The following CACNA1A variants were observed in gnomAD, a reference collection of about 807,000 sequenced individuals.
The protein encoded by CACNA1A is voltage-dependent P/Q-type calcium channel subunit alpha-1A.
CACNA1A carries 57 observed loss-of-function variants against 262.4 expected under a neutral mutation model. The ratio of observed to expected loss-of-function variants is 0.22; its 90% CI spans 0.18 to 0.27. The LOEUF (loss-of-function observed/expected upper bound fraction) is 0.27. Ranked by LOEUF, CACNA1A falls within the 10% of genes least tolerant of loss-of-function variation. The pLI, the probability that CACNA1A is intolerant of heterozygous loss-of-function variation, is 1.00. For synonymous variants in CACNA1A, 1,431 were observed against 1,419.3 expected (o/e 1.01, Z -0.18); for missense variants, 2,526 against 3,562.8 (o/e 0.71, Z 7.41).
chr19:13,392,564 A>C (rs1433492973), intron 3 of CACNA1A, among the ~76,000 whole-genome samples: 1 of 152,232 alleles, frequency 6.6e-6, no homozygotes, highest in African/African-American at 2.4e-5. Context: ...CTGCTACAGG[A>C]GAGGCACTCC....
intron 6 of CACNA1A, among the ~76,000 whole-genome samples, chr19:13,351,718 C>T (rs1476455086): frequency 6.6e-6 from 1 of 152,156 alleles, no homozygotes; most frequent in East Asian, 1.9e-4. Flanking sequence ...CCCTGTTGGC[C>T]AGGCTGGTCT....
chr19:13,224,728 G>C lies in CACNA1A; in HGVS notation c.5670C>G (p.Val1890=). The C allele has an allele frequency of 5.0e-6, 8 of 1,612,658 alleles. No homozygotes were observed. The highest frequency in any genetic ancestry group is 6.8e-6 in the Non-Finnish European group (8 of 1,179,452). Residue 1890 remains valine (V), a synonymous_variant, in exon 38 of 47, where the codon GTC becomes GTG. Transcript: ENST00000360228. ...MDLPVADDNT[V]HFNSTLMALI... is the part of the protein sequence containing the mutation. Reference sequence around the variant, plus strand: ...GAGCCATGAGGGTGGAATTGAAGTGGACGGTGTTGTCATCTGCGACGGGCA... The same window carrying C: ...GAGCCATGAGGGTGGAATTGAAGTGCACGGTGTTGTCATCTGCGACGGGCA...
At chr19:13,445,402 C>A (rs545641606) in intron 3 of CACNA1A, among the ~76,000 whole-genome samples, 55 of 152,186 alleles carry the variant, frequency 3.6e-4, no homozygotes, top group Non-Finnish European at 7.6e-4. Context: ...TCTGGACTAT[C>A]TGACTATTTC....
At chr19:13,448,148 C>T (rs2060851277) in intron 3 of CACNA1A, among the ~76,000 whole-genome samples, 2 of 150,710 alleles carry the variant, frequency 1.3e-5, no homozygotes, top group Non-Finnish European at 2.9e-5. Context: ...AAATGTGGTA[C>T]ATATACACCA....
chr19:13,341,064 C>G (rs1278725038), intron 6 of CACNA1A, among the ~76,000 whole-genome samples: 3 of 151,930 alleles, frequency 2.0e-5, no homozygotes, highest in Non-Finnish European at 4.4e-5. Context: ...AGAGCAAGAC[C>G]CTGTGTCTAA....
intron 5 of CACNA1A, chr19:13,363,755 T>C (rs2059155502): frequency 6.6e-6 from 1 of 152,206 alleles, no homozygotes; most frequent in African/African-American, 2.4e-5. Context: ...GGTTCCCCTT[T>C]GGGCTTCTTG....
At chr19:13,226,587 C>G (rs982152482) in intron 37 of CACNA1A, 1 of 152,236 alleles carries the variant, frequency 6.6e-6, no homozygotes, top group Non-Finnish European at 1.5e-5. Context: ...AGCATCTGTC[C>G]TTGGGCACCA....
rs143434569 is a variant in CACNA1A at position 13,368,226 on chromosome 19, G to A, written c.632-2757C>T. Among the ~76,000 whole-genome samples the A allele has an allele frequency of 2.4e-3, 366 of 152,202 alleles. 2 individuals are homozygous for A. The highest frequency in any genetic ancestry group is 7.1e-3 in the African/African-American group (297 of 41,540). On this transcript the variant is annotated intron_variant, in intron 4 of 46. Transcript: ENST00000360228. Reference sequence around the variant, plus strand: ...GCTATTTGGGAGGCTGAGATGGTAGGATTGCTTGAGTCTGGGGAGGTTGAG... The same window carrying A: ...GCTATTTGGGAGGCTGAGATGGTAGAATTGCTTGAGTCTGGGGAGGTTGAG...
At position 13,506,007 on chromosome 19, in the gene CACNA1A, G is replaced by A. The variant is rs1472719188; in HGVS notation, c.218C>T (p.Thr73Met). The A allele has an allele frequency of 6.2e-7, 1 of 1,613,976 alleles. No individual in the cohort carries two copies. The highest frequency in any genetic ancestry group is 1.1e-5 in the South Asian group (1 of 91,062). ...NPIPVRQNCL[T>M]VNRSLFLFSE... ...GAAGAGGAAGAGAGACCGGTTAACC[G>A]TGAGGCAGTTCTGTCGGACGGGGAT... The change falls in exon 1 of 47, where the codon ACG (threonine) becomes ATG (methionine). Residue 73 changes from threonine to methionine, a missense_variant. By Grantham distance (81) the Thr-to-Met change is moderately conservative (BLOSUM62 -1). This residue lies in a region of CACNA1A where 77 missense variants were observed against 228.4 expected (regional missense o/e 0.34). Coordinates refer to ENST00000360228, the MANE Select transcript of CACNA1A (RefSeq NM_001127222.2).
chr19:13,505,730 C>T (rs2145191129), intron 1 of CACNA1A, among the ~76,000 whole-genome samples: 1 of 152,068 alleles, frequency 6.6e-6, no homozygotes, highest in Admixed American at 6.5e-5. Context: ...AACCCATTCC[C>T]AAGCCTCCAG....
At chr19:13,323,133 C>T (rs1226671501) in intron 10 of CACNA1A, among the ~76,000 whole-genome samples, 1 of 152,042 alleles carries the variant, frequency 6.6e-6, no homozygotes, top group African/African-American at 2.4e-5. Flanking sequence ...GTGGCGTGTG[C>T]CTGTAATTTC....
intron 22 of CACNA1A, among the ~76,000 whole-genome samples, chr19:13,279,254 C>T (rs926939187): frequency 2.0e-5 from 3 of 152,172 alleles, no homozygotes; most frequent in African/African-American, 4.8e-5. Context: ...ATTCCTAATA[C>T]TTAGATCTTT....
intron 3 of CACNA1A, among the ~76,000 whole-genome samples, chr19:13,391,235 CT>C (rs777641822): frequency 6.6e-6 from 1 of 152,130 alleles, no homozygotes; most frequent in Non-Finnish European, 1.5e-5. Context: ...GTAATCATGT[CT>C]TTTTTTGCCT....
At chr19:13,414,559 T>G (rs934752245) in intron 3 of CACNA1A, among the ~76,000 whole-genome samples, 8 of 152,088 alleles carry the variant, frequency 5.3e-5, no homozygotes, top group Admixed American at 2.0e-4. Flanking sequence ...CATGATCCCA[T>G]GACAGCGACT....
chr19:13,286,995 C>A (rs781132960), intron 19 of CACNA1A, 29 bp from the exon 20 acceptor site: 1 of 1,499,948 alleles, frequency 6.7e-7, no homozygotes, highest in East Asian at 2.3e-5. Context: ...TGAAAAAGAA[C>A]CAACAACTGA....
rs182396745 is a variant in CACNA1A at position 13,370,303 on chromosome 19, T to G, written c.631+1385A>C. Among the ~76,000 whole-genome samples the G allele has an allele frequency of 1.1e-4, 17 of 151,972 alleles. No homozygotes were observed. In the East Asian group the frequency reaches 2.7e-3, roughly 24 times the overall value. ...TTTAGTAGAGACGGGGTTTCCCCAT[T>G]TTGGCCAGGCAGGTCTCGAACTCCT... On this transcript the variant is annotated intron_variant, in intron 4 of 46. Transcript: ENST00000360228.
chr19:13,347,986 T>A (rs2058824239), intron 6 of CACNA1A, among the ~76,000 whole-genome samples: 1 of 152,066 alleles, frequency 6.6e-6, no homozygotes, highest in African/African-American at 2.4e-5. Flanking sequence ...AGGGGTGTAA[T>A]CACAGCTCGG....
chr19:13,375,386 A>G (rs774933918), intron 3 of CACNA1A, among the ~76,000 whole-genome samples: 1 of 152,188 alleles, frequency 6.6e-6, no homozygotes, highest in African/African-American at 2.4e-5. Flanking sequence ...AGGTCAGTGT[A>G]TAACTGTACA....
chr19:13,359,822 A>G, intron 5 of CACNA1A, 23 bp from the exon 6 acceptor site: 2 of 1,478,700 alleles, frequency 1.4e-6, no homozygotes, highest in Non-Finnish European at 1.8e-6. Flanking sequence ...AGGGGAGAAA[A>G]GTCAGGGGAA....
Sources: gnomAD v4.1 joint callset for allele counts (sites outside exome capture counted in the v4.1 genomes callset) on GRCh38, gnomAD v4.1.1 for gene constraint, gnomAD v4.1.1 regional missense constraint, MANE v1.5 for transcripts, NCBI Gene and HGNC (gene_info 2026-07-23, HGNC 2026-07-21) for gene names.